Variants in SLC24A3 observed in about 807,000 individuals in gnomAD.
SLC24A3 encodes the protein solute carrier family 24 member 3.
In SLC24A3, 28 loss-of-function variants were observed where a neutral mutation model predicts 75.8. The observed-to-expected ratio is 0.37, with a 90% CI of 0.27 to 0.51. SLC24A3 has a LOEUF of 0.51. SLC24A3 is among the 20% of genes least tolerant of loss of function. SLC24A3 has a pLI of 0.94. For missense variants in SLC24A3, 663 were observed against 847.8 expected, an observed-to-expected ratio of 0.78 and a Z score of 2.71; for synonymous variants, 372 against 334.1, an observed-to-expected ratio of 1.11 and a Z score of -1.24.
chr20:19,509,550 G>A (rs980301987), intron 2 of SLC24A3, among the ~76,000 whole-genome samples: 14 of 152,180 alleles, frequency 9.2e-5, no homozygotes, highest in African/African-American at 2.9e-4. Context: ...TCAGAAAATC[G>A]CATGCCCCAC....
chr20:19,660,715 C>G (rs1600326351), intron 7 of SLC24A3, among the ~76,000 whole-genome samples: 1 of 152,110 alleles, frequency 6.6e-6, no homozygotes, highest in Admixed American at 6.5e-5. Flanking sequence ...CATTCTCATA[C>G]TGGAAAACTT....
intron 2 of SLC24A3, among the ~76,000 whole-genome samples, chr20:19,317,923 A>G (rs1406867377): frequency 2.6e-5 from 4 of 152,172 alleles, no homozygotes; most frequent in Non-Finnish European, 5.9e-5. Flanking sequence ...CTCTTACCAC[A>G]TTGGTGCACA....
intron 2 of SLC24A3, among the ~76,000 whole-genome samples, chr20:19,410,271 T>C (rs537164947): frequency 1.3e-5 from 2 of 152,158 alleles, no homozygotes; most frequent in South Asian, 4.2e-4. Context: ...AAATAAATTA[T>C]CATCTTAACA....
chr20:19,505,820 GAGAAAGCC>G (rs1457537631), intron 2 of SLC24A3, among the ~76,000 whole-genome samples: 1 of 152,198 alleles, frequency 6.6e-6, no homozygotes, highest in Non-Finnish European at 1.5e-5. Context: ...CTCAGCTCTG[GAGAAAGCC>G]TTCAGGGAAA....
chr20:19,669,646 G>A (rs1338582960), intron 8 of SLC24A3, among the ~76,000 whole-genome samples: 2 of 152,132 alleles, frequency 1.3e-5, no homozygotes, highest in East Asian at 1.9e-4. Flanking sequence ...ACTAAAGAAC[G>A]CAGGGCGATG....
chr20:19,250,396 A>C (rs1248368308), intron 1 of SLC24A3, among the ~76,000 whole-genome samples: 1 of 152,236 alleles, frequency 6.6e-6, no homozygotes, highest in Non-Finnish European at 1.5e-5. Context: ...TAAACAGAAC[A>C]ATCAGCTAAT....
At chr20:19,527,787 A>C (rs905333563) in intron 3 of SLC24A3, among the ~76,000 whole-genome samples, 1 of 152,222 alleles carries the variant, frequency 6.6e-6, no homozygotes, top group Non-Finnish European at 1.5e-5. Context: ...AAACGTCATC[A>C]TTACTGAGGA....
intron 2 of SLC24A3, among the ~76,000 whole-genome samples, chr20:19,425,516 T>C (rs1986991683): frequency 6.6e-6 from 1 of 152,224 alleles, no homozygotes; most frequent in Non-Finnish European, 1.5e-5. Context: ...TTGGCAAAAG[T>C]ACCACATGGG....
chr20:19,448,712 T>C (rs1432589132), intron 2 of SLC24A3, among the ~76,000 whole-genome samples: 1 of 152,174 alleles, frequency 6.6e-6, no homozygotes, highest in African/African-American at 2.4e-5. Flanking sequence ...CAGTATATTA[T>C]TCTGACATCC....
intron 15 of SLC24A3, among the ~76,000 whole-genome samples, chr20:19,701,482 G>A (rs185367548): frequency 6.6e-6 from 1 of 152,170 alleles, no homozygotes; most frequent in African/African-American, 2.4e-5. Flanking sequence ...AAGAAGTTCA[G>A]CTCTGAACTC....
chr20:19,239,775 G>T (rs1023688898), intron 1 of SLC24A3, among the ~76,000 whole-genome samples: 1 of 152,196 alleles, frequency 6.6e-6, no homozygotes, highest in Non-Finnish European at 1.5e-5. Context: ...CGATGGCTTT[G>T]CCTTTGAGAA....
intron 2 of SLC24A3, among the ~76,000 whole-genome samples, chr20:19,360,798 A>G (rs2009871): frequency 0.45 from 67,827 of 151,842 alleles, 15,420 homozygotes; most frequent in Middle Eastern, 0.56. Flanking sequence ...CCAATTCCTC[A>G]AAACCCTATT....
rs6136718 is a variant in SLC24A3 at position 19,415,720 on chromosome 20, T to C, written c.272-99768T>C. ...CTTAGGGTGAGGTATTGTTCAAAATTAGCATGCATTTCAGAGAATTTGTTC... is the reference window on the plus strand; with the variant it reads ...CTTAGGGTGAGGTATTGTTCAAAATCAGCATGCATTTCAGAGAATTTGTTC... On this transcript the variant is annotated intron_variant, in intron 2 of 16. Coordinates refer to ENST00000328041, the MANE Select transcript of SLC24A3 (RefSeq NM_020689.4). 0.029 allele frequency among the ~76,000 whole-genome samples: 4,385 copies of C among 152,236 alleles called. 406 individuals carry two copies. The East Asian group carries it at 0.38, about 13-fold the overall frequency.
chr20:19,446,090 C>T (rs2122474763), intron 2 of SLC24A3, among the ~76,000 whole-genome samples: 2 of 152,296 alleles, frequency 1.3e-5, no homozygotes, highest in Middle Eastern at 6.8e-3. Flanking sequence ...AACTCTGACT[C>T]ATCTGCCCAG....
At chr20:19,413,716 C>T (rs1986783991) in intron 2 of SLC24A3, among the ~76,000 whole-genome samples, 1 of 152,186 alleles carries the variant, frequency 6.6e-6, no homozygotes, top group Non-Finnish European at 1.5e-5. Context: ...CTATGACATT[C>T]TACCATAGTT....
At chr20:19,605,749 C>T (rs186036862) in intron 6 of SLC24A3, among the ~76,000 whole-genome samples, 6 of 152,288 alleles carry the variant, frequency 3.9e-5, no homozygotes, top group East Asian at 3.9e-4. Context: ...ATCAACCCAT[C>T]GAACGTGCCA....
chr20:19,613,908 T>C (rs1416923608), intron 6 of SLC24A3, among the ~76,000 whole-genome samples: 1 of 152,238 alleles, frequency 6.6e-6, no homozygotes, highest in Non-Finnish European at 1.5e-5. Flanking sequence ...CACCCTGTTC[T>C]ATATTAAGAT....
At chr20:19,230,634 A>G (rs1213312845) in intron 1 of SLC24A3, among the ~76,000 whole-genome samples, 1 of 83,126 alleles carries the variant, frequency 1.2e-5, no homozygotes, top group Admixed American at 1.4e-4. Flanking sequence ...ATGGGGGGGA[A>G]TGGATGGGTA....
At chr20:19,434,050 C>T (rs982895960) in intron 2 of SLC24A3, among the ~76,000 whole-genome samples, 2 of 152,182 alleles carry the variant, frequency 1.3e-5, no homozygotes, top group African/African-American at 4.8e-5. Flanking sequence ...GGGGCAGTCC[C>T]TCAGGGTCAG....
Sources: allele counts gnomAD v4.1 joint callset (sites outside exome capture counted in the v4.1 genomes callset), GRCh38; gene constraint gnomAD v4.1.1; transcripts MANE v1.5; gene names NCBI Gene and HGNC (gene_info 2026-07-23, HGNC 2026-07-21).